The following TMEM132E variants were observed in gnomAD, a reference collection of about 807,000 sequenced individuals.
TMEM132E encodes transmembrane protein 132E.
A neutral mutation model predicts 78.5 loss-of-function variants in TMEM132E; 49 were observed. The observed-to-expected ratio is 0.62, with a 90% CI of 0.50 to 0.79. The LOEUF (loss-of-function observed/expected upper bound fraction) is 0.79. Among genes scored for constraint, TMEM132E ranks in the 30% least tolerant of loss-of-function variants. TMEM132E has a pLI of 0.00. For synonymous variants in TMEM132E, 715 were observed against 670.6 expected, an observed-to-expected ratio of 1.07 and a Z score of -1.02; for missense variants, 1,403 against 1,470.9, an observed-to-expected ratio of 0.95 and a Z score of 0.75.
intron 8 of TMEM132E, 65 bp downstream of exon 8, chr17:34,636,263 G>A (rs1393403429): frequency 7.3e-7 from 1 of 1,362,624 alleles, no homozygotes; most frequent in African/African-American, 1.5e-5. Flanking sequence ...TGGGGGCTCT[G>A]CTTTGCCCTA....
chr17:34,579,622 G>GCGGCGA lies in TMEM132E; in HGVS notation c.-1449_-1444dup, dbSNP rs2142043023. 6.2e-6 allele frequency: 1 copy of GCGGCGA among 160,036 alleles called. No individual in the cohort carries two copies. Among genetic ancestry groups the GCGGCGA allele is most frequent in the Admixed American group, 6.2e-5 (1 of 16,252 alleles). The allele number at this position is 160,036 out of a possible 1,614,324, so 9.9% of individuals were successfully genotyped here. On this transcript the variant is annotated 5_prime_UTR_variant, in exon 1 of 9. Transcript: ENST00000631683. ...AGCAGCCGGCGCGAGCGCCGAGGAG[G>GCGGCGA]CGGCGACGGCGGCGGCGGCTGCTTC...
At chr17:34,610,714 C>A (rs1212871282) in intron 1 of TMEM132E, among the ~76,000 whole-genome samples, 1 of 152,080 alleles carries the variant, frequency 6.6e-6, no homozygotes, top group Non-Finnish European at 1.5e-5. Flanking sequence ...AGATTTATTG[C>A]AAAGGGAAAA....
intron 5 of TMEM132E, 67 bp from the exon 6 acceptor site, chr17:34,632,637 G>C: frequency 1.3e-6 from 2 of 1,567,780 alleles, no homozygotes; most frequent in Non-Finnish European, 1.8e-6. Context: ...TCAGACTGAA[G>C]TCCTCCGCAC....
chr17:34,636,189 C>G lies in TMEM132E; in HGVS notation c.2160C>G (p.Phe720Leu). 6.7e-7 allele frequency: 1 copy of G among 1,501,802 alleles called. No homozygotes were observed. The highest frequency in any genetic ancestry group is 8.9e-7 in the Non-Finnish European group (1 of 1,124,756). The allele number at this position is 1,501,802 out of a possible 1,614,324, so 93.0% of individuals were successfully genotyped here. The change falls in exon 8 of 9, where the codon TTC (phenylalanine) becomes TTG (leucine). Residue 720 changes from phenylalanine (F) to leucine (L), a missense_variant. By Grantham distance (22) the Phe-to-Leu change is conservative. Transcript: ENST00000631683. Reference protein sequence around the residue: ...ATTAAQQTLSFLKQEALLSLW... With the variant: ...ATTAAQQTLSLLKQEALLSLW... Reference sequence around the variant, plus strand: ...CAGCTGCCCAACAGACCTTGAGCTTCCTCAAGCAGGTAACTGGCTCCTTGG... The same window carrying G: ...CAGCTGCCCAACAGACCTTGAGCTTGCTCAAGCAGGTAACTGGCTCCTTGG...
In TMEM132E at chr17:34,626,710, C is replaced by A; in HGVS notation, c.651C>A (p.Asp217Glu). 7.2e-7 allele frequency: 1 copy of A among 1,379,812 alleles called. No homozygotes were observed. Among genetic ancestry groups the A allele is most frequent in the Non-Finnish European group, 9.5e-7 (1 of 1,053,002 alleles). 85.5% of individuals were successfully genotyped at this position (1,379,812 alleles called of 1,614,324 possible). A position where few individuals can be genotyped will look rare whatever the true frequency, so the allele number is the denominator to read the frequency against. ...APPTARRKSP[D>E]GLEPEATGES... The stretch of plus-strand genomic sequence containing the variant: ...CCACGGCCCGCCGCAAGTCCCCGGA[C>A]GGGCTGGAGCCCGAGGCGACGGGGG... The change falls in exon 2 of 9, where the codon GAC becomes GAA. Residue 217 changes from aspartate (D) to glutamate (E), a missense_variant. Physicochemically the swap from Asp to Glu is conservative, Grantham distance 45 (BLOSUM62 2). This residue lies in a region of TMEM132E where 511 missense variants were observed against 499.0 expected (regional missense o/e 1.02). Transcript: ENST00000631683.
chr17:34,604,809 A>G (rs1379614606), intron 1 of TMEM132E, among the ~76,000 whole-genome samples: 1 of 152,168 alleles, frequency 6.6e-6, no homozygotes, highest in Non-Finnish European at 1.5e-5. Flanking sequence ...GCTAATGTTT[A>G]TTTCTGAGCA....
intron 6 of TMEM132E, among the ~76,000 whole-genome samples, chr17:34,634,237 G>C (rs1907444058): frequency 6.6e-6 from 1 of 152,142 alleles, no homozygotes; most frequent in African/African-American, 2.4e-5. Flanking sequence ...ATCAAGTCCA[G>C]GTTCCCTTTT....
chr17:34,611,827 C>T (rs1290211579), intron 1 of TMEM132E, among the ~76,000 whole-genome samples: 1 of 152,164 alleles, frequency 6.6e-6, no homozygotes, highest in African/African-American at 2.4e-5. Context: ...TCCTCCACCC[C>T]CAACAGAAGA....
intron 1 of TMEM132E, among the ~76,000 whole-genome samples, chr17:34,625,113 G>A (rs144488620): frequency 6.6e-6 from 1 of 152,200 alleles, no homozygotes; most frequent in Non-Finnish European, 1.5e-5. Flanking sequence ...CTGTGTGGGG[G>A]AGGAGAATGC....
intron 7 of TMEM132E, among the ~76,000 whole-genome samples, chr17:34,635,426 T>C (rs1420663916): frequency 2.0e-5 from 3 of 152,222 alleles, no homozygotes; most frequent in Non-Finnish European, 4.4e-5. Flanking sequence ...GACTTGTTTC[T>C]ACCCTGACAA....
intron 6 of TMEM132E, among the ~76,000 whole-genome samples, chr17:34,634,492 C>A (rs1016871340): frequency 6.6e-6 from 1 of 152,234 alleles, no homozygotes; most frequent in African/African-American, 2.4e-5. Flanking sequence ...CAGGCACAAA[C>A]TTAGTACTGA....
intron 1 of TMEM132E, among the ~76,000 whole-genome samples, chr17:34,586,108 G>T (rs965928291): frequency 6.6e-6 from 1 of 151,860 alleles, no homozygotes; most frequent in African/African-American, 2.4e-5. Flanking sequence ...ATCTTTCTCT[G>T]TCAGAGCACA....
intron 1 of TMEM132E, among the ~76,000 whole-genome samples, chr17:34,605,293 T>C (rs1906376698): frequency 5.3e-5 from 8 of 152,166 alleles, no homozygotes; most frequent in Admixed American, 5.2e-4. Context: ...GCTTCAAAGC[T>C]GGGCCCGGAA....
At chr17:34,636,972 C>A (rs1281540045) in intron 8 of TMEM132E, among the ~76,000 whole-genome samples, 1 of 152,170 alleles carries the variant, frequency 6.6e-6, no homozygotes, top group African/African-American at 2.4e-5. Context: ...CTGGGATTTA[C>A]CCTCCCCACA....
Position 34,637,294 on chromosome 17 carries a change from G to C in TMEM132E, c.2287G>C (p.Val763Leu). ...VSSLDEHVAT[V>L]TQDRAFPLVV... is the part of the protein sequence containing the mutation. ...CAGCCTGGATGAGCATGTGGCCACT[G>C]TGACCCAGGACCGGGCCTTCCCTCT... The change falls in exon 9 of 9, where the codon GTG becomes CTG. Residue 763 changes from valine to leucine, a missense_variant. Physicochemically the swap from Val to Leu is conservative, Grantham distance 32. This residue lies in a region of TMEM132E where 888 missense variants were observed against 952.8 expected (regional missense o/e 0.93). Transcript: ENST00000631683. 1 of 1,614,150 alleles carries C rather than the reference G, an allele frequency of 6.2e-7. No homozygotes were observed. Among genetic ancestry groups the C allele is most frequent in the Non-Finnish European group, 8.5e-7 (1 of 1,180,040 alleles).
At position 34,580,993 on chromosome 17, in the gene TMEM132E, G is replaced by A; in HGVS notation, c.-84G>A. 1 of 1,217,292 alleles carries A rather than the reference G, an allele frequency of 8.2e-7. No homozygotes were observed. The highest frequency in any genetic ancestry group is 1.5e-5 in the South Asian group (1 of 65,742). 75.4% of individuals were successfully genotyped at this position (1,217,292 alleles called of 1,614,324 possible). On this transcript the variant is annotated 5_prime_UTR_variant, in exon 1 of 9. Coordinates refer to ENST00000631683, the MANE Select transcript of TMEM132E (RefSeq NM_001304438.2). Reference sequence around the variant, plus strand: ...GACAGCCGGGCGCCACGGCAGCCCTGAGTTGGATGTGACCAAGCCCAGCCT... The same window carrying A: ...GACAGCCGGGCGCCACGGCAGCCCTAAGTTGGATGTGACCAAGCCCAGCCT...
intron 6 of TMEM132E, 93 bp downstream of exon 6, chr17:34,633,002 T>C (rs2142085314): frequency 1.5e-6 from 2 of 1,369,308 alleles, no homozygotes; most frequent in Middle Eastern, 2.5e-4. Context: ...TATAAGGCCC[T>C]TGGTATACAT....
Position 34,633,109 on chromosome 17 carries a change from A to G in TMEM132E, c.1688+200A>G, listed in dbSNP as rs1356789013. Among the ~76,000 whole-genome samples the G allele has an allele frequency of 2.6e-5, 4 of 152,252 alleles. No homozygotes were observed. In the East Asian group the frequency reaches 7.7e-4, roughly 29 times the overall value. On this transcript the variant is annotated intron_variant, in intron 6 of 8. Transcript: ENST00000631683. ...TTTGAGAGATGGGGTGAATGTGGCC[A>G]GTGCCTGACCCTGCCAGTCTCTCAG...
chr17:34,628,445 G>A (rs1323573907), intron 2 of TMEM132E, 118 bp from the exon 3 acceptor site: 1 of 1,212,044 alleles, frequency 8.3e-7, no homozygotes, highest in Non-Finnish European at 1.1e-6. Context: ...CCAGGACTCG[G>A]GGTAACTTAG....
Sources: allele counts gnomAD v4.1 joint callset (sites outside exome capture counted in the v4.1 genomes callset), GRCh38; gene constraint gnomAD v4.1.1; regional missense constraint gnomAD v4.1.1; transcripts MANE v1.5; gene names NCBI Gene and HGNC (gene_info 2026-07-23, HGNC 2026-07-21).